The following GABRA1 variants were observed in gnomAD, a reference collection of about 807,000 sequenced individuals.
GABRA1 encodes the protein gamma-aminobutyric acid receptor subunit alpha-1.
A neutral mutation model predicts 48.9 loss-of-function variants in GABRA1; 9 were observed. The ratio of observed to expected loss-of-function variants is 0.18; its 90% CI spans 0.11 to 0.32. The LOEUF (loss-of-function observed/expected upper bound fraction) is 0.32, where lower values mean the gene tolerates loss of function less well. Ranked by LOEUF, GABRA1 falls within the 10% of genes least tolerant of loss-of-function variation. The pLI is 1.00. For missense variants in GABRA1, 285 were observed against 553.8 expected, an observed-to-expected ratio of 0.51 and a Z score of 4.87; for synonymous variants, 210 against 198.7, an observed-to-expected ratio of 1.06 and a Z score of -0.48.
chr5:161,873,384 C>A (rs772423877), intron 5 of GABRA1, 47 bp downstream of exon 5: 19 of 1,433,268 alleles, frequency 1.3e-5, no homozygotes, highest in Non-Finnish European at 1.9e-5. Flanking sequence ...GTACTTCATT[C>A]CCTTCCACTT....
rs1378824546 is a variant in GABRA1 at position 161,897,684 on chromosome 5, G to A, written c.*262G>A. ...GGAGACAGAATGAGAGAGAAAAGAG[G>A]GGGAAGATGGTTCAAAGATACAAGA... is the stretch of plus-strand genomic sequence containing the variant. On this transcript the variant is annotated 3_prime_UTR_variant, in exon 10 of 10. Transcript: ENST00000393943. 2.4e-6 allele frequency: 1 copy of A among 423,904 alleles called. No individual in the cohort carries two copies. The highest frequency in any genetic ancestry group is 4.2e-6 in the Non-Finnish European group (1 of 238,964). The allele number at this position is 423,904 out of a possible 1,614,324, so 26.3% of individuals were successfully genotyped here.
intron 6 of GABRA1, among the ~76,000 whole-genome samples, chr5:161,877,698 A>G (rs1312107993): frequency 6.6e-6 from 1 of 152,244 alleles, no homozygotes; most frequent in Non-Finnish European, 1.5e-5. Context: ...CACATTGTCA[A>G]CCTGAAGAAT....
intron 1 of GABRA1, chr5:161,849,053 T>C (rs1561561921): frequency 4.5e-6 from 2 of 443,528 alleles, no homozygotes; most frequent in Non-Finnish European, 9.0e-6. Flanking sequence ...TTGGAGCGTG[T>C]GTCTGGGGGA....
chr5:161,893,009 A>AAATAATAAT (rs60042641), intron 8 of GABRA1, among the ~76,000 whole-genome samples: 287 of 122,410 alleles, frequency 2.3e-3, no homozygotes, highest in East Asian at 6.3e-3. Context: ...CTTCTCAAAA[A>AAATAATAAT]AATAATAATA....
intron 4 of GABRA1, among the ~76,000 whole-genome samples, chr5:161,866,464 G>A (rs1294307796): frequency 1.3e-5 from 2 of 151,808 alleles, no homozygotes; most frequent in Admixed American, 6.6e-5. Context: ...TTCTATATAA[G>A]CAAAACATCA....
intron 6 of GABRA1, among the ~76,000 whole-genome samples, chr5:161,876,882 GA>G (rs1754377043): frequency 6.6e-6 from 1 of 152,124 alleles, no homozygotes; most frequent in Non-Finnish European, 1.5e-5. Context: ...TTACAGTTAG[GA>G]AGATCATACG....
chr5:161,875,724 AGATAAGG>A, intron 6 of GABRA1, 82 bp downstream of exon 6: 1 of 995,334 alleles, frequency 1.0e-6, no homozygotes, highest in Non-Finnish European at 1.6e-6. Flanking sequence ...AAAAACGCGT[AGATAAGG>A]GAATCAAGAA....
intron 7 of GABRA1, among the ~76,000 whole-genome samples, chr5:161,887,875 G>T (rs937668209): frequency 6.6e-6 from 1 of 152,096 alleles, no homozygotes; most frequent in East Asian, 1.9e-4. Context: ...CTAGGAGACA[G>T]TTAAATTAAA....
chr5:161,865,819 G>T, intron 4 of GABRA1, 31 bp downstream of exon 4: 1 of 1,584,732 alleles, frequency 6.3e-7, no homozygotes, highest in Non-Finnish European at 8.7e-7. Context: ...TGCTTTTCTT[G>T]AAGAATTTTT....
At chr5:161,896,339 T>G (rs2113466801) in intron 9 of GABRA1, among the ~76,000 whole-genome samples, 1 of 152,328 alleles carries the variant, frequency 6.6e-6, no homozygotes, top group South Asian at 2.1e-4. Context: ...TCCCTAGTTC[T>G]CTGCAAAGTC....
intron 5 of GABRA1, among the ~76,000 whole-genome samples, chr5:161,874,161 G>C (rs893480663): frequency 6.6e-6 from 1 of 152,048 alleles, no homozygotes; most frequent in African/African-American, 2.4e-5. Context: ...GGTACAAAAA[G>C]GTAATAAAGG....
chr5:161,863,702 T>A (rs1757945079), intron 3 of GABRA1, among the ~76,000 whole-genome samples: 1 of 151,964 alleles, frequency 6.6e-6, no homozygotes, highest in South Asian at 2.1e-4. Context: ...GAAAGGAAAT[T>A]TTACTTGTTT....
At chr5:161,851,982 T>C (rs768794614) in intron 2 of GABRA1, among the ~76,000 whole-genome samples, 1 of 152,062 alleles carries the variant, frequency 6.6e-6, no homozygotes, top group Non-Finnish European at 1.5e-5. Context: ...CTCTTCAAAA[T>C]ATATATTCAG....
At chr5:161,883,909 C>T (rs1383221758) in intron 7 of GABRA1, among the ~76,000 whole-genome samples, 1 of 151,726 alleles carries the variant, frequency 6.6e-6, no homozygotes, top group Non-Finnish European at 1.5e-5. Flanking sequence ...GAAACTGTTT[C>T]TCTTTTTTTC....
intron 4 of GABRA1, 56 bp downstream of exon 4, chr5:161,865,844 C>G: frequency 1.4e-6 from 2 of 1,463,520 alleles, no homozygotes; most frequent in Non-Finnish European, 1.9e-6. Flanking sequence ...TTTAACTTTT[C>G]AAAGAAAAAT....
At chr5:161,868,787 T>C (rs1753986261) in intron 4 of GABRA1, among the ~76,000 whole-genome samples, 1 of 152,196 alleles carries the variant, frequency 6.6e-6, no homozygotes, top group East Asian at 1.9e-4. Context: ...TTGCTTCAGA[T>C]TAATTGTGAT....
chr5:161,871,634 C>T (rs979807002), intron 4 of GABRA1, among the ~76,000 whole-genome samples: 4 of 152,166 alleles, frequency 2.6e-5, no homozygotes, highest in Admixed American at 2.6e-4. Flanking sequence ...CAAGCTTAAA[C>T]AGTCCCTCCT....
chr5:161,852,644 A>T (rs897517164), intron 2 of GABRA1, among the ~76,000 whole-genome samples: 6 of 151,960 alleles, frequency 3.9e-5, no homozygotes, highest in Non-Finnish European at 5.9e-5. Context: ...AATTTGATTT[A>T]AAAAAACAGC....
intron 7 of GABRA1, among the ~76,000 whole-genome samples, chr5:161,887,554 T>G (rs545512234): frequency 1.3e-5 from 2 of 152,276 alleles, no homozygotes; most frequent in East Asian, 3.9e-4. Context: ...TCCCCTTATC[T>G]CTATTTAGAA....
Sources: allele counts gnomAD v4.1 joint callset (sites outside exome capture counted in the v4.1 genomes callset), GRCh38; gene constraint gnomAD v4.1.1; transcripts MANE v1.5; gene names NCBI Gene and HGNC (gene_info 2026-07-23, HGNC 2026-07-21).